The following LRCH3 variants were observed in gnomAD, a reference collection of about 807,000 sequenced individuals.
LRCH3 encodes DISP complex protein LRCH3.
Under a neutral mutation model 104.5 loss-of-function variants are expected in LRCH3, and 68 were observed. That is an observed-to-expected ratio of 0.65 (90% CI 0.54 to 0.80). The LOEUF (loss-of-function observed/expected upper bound fraction) is 0.80. Among genes scored for constraint, LRCH3 ranks in the 30% least tolerant of loss-of-function variants. The probability of loss-of-function intolerance (pLI) is 0.00; values close to 1 mark genes in which losing one functional copy is unlikely to be tolerated. For synonymous variants in LRCH3, 344 were observed against 361.3 expected (o/e 0.95, Z 0.54); for missense variants, 951 against 953.9 (o/e 1.00, Z 0.04).
At chr3:197,877,950 T>C (rs967802254) in intron 20 of LRCH3, among the ~76,000 whole-genome samples, 5 of 152,180 alleles carry the variant, frequency 3.3e-5, no homozygotes, top group African/African-American at 1.2e-4. Flanking sequence ...CTGAATATGG[T>C]TTCTGAAGAA....
chr3:197,880,076 G>C (rs528741836), intron 20 of LRCH3, among the ~76,000 whole-genome samples: 1 of 151,106 alleles, frequency 6.6e-6, no homozygotes, highest in Admixed American at 6.6e-5. Flanking sequence ...CTCCCGAGTA[G>C]CTGGGACTAC....
intron 8 of LRCH3, among the ~76,000 whole-genome samples, chr3:197,835,462 C>T (rs1560559604): frequency 7.9e-6 from 1 of 127,130 alleles, no homozygotes; most frequent in Non-Finnish European, 1.6e-5. Context: ...GCTGGGATTA[C>T]AGGCGTGAGC....
chr3:197,875,086 A>G (rs1397790231), intron 19 of LRCH3, among the ~76,000 whole-genome samples: 2 of 151,912 alleles, frequency 1.3e-5, no homozygotes, highest in African/African-American at 4.8e-5. Flanking sequence ...GCCCGCCACC[A>G]CACCTGGCTA....
chr3:197,815,446 C>G (rs1168270402), intron 2 of LRCH3, among the ~76,000 whole-genome samples: 1 of 152,160 alleles, frequency 6.6e-6, no homozygotes. Flanking sequence ...ATAGCTGATA[C>G]AATTTACTAG....
Position 197,883,344 on chromosome 3 carries a change from T to C in LRCH3, c.2209-197T>C, listed in dbSNP as rs1232312430. 1.4e-6 allele frequency: 2 copies of C among 1,380,952 alleles called. No homozygotes were observed. Among genetic ancestry groups the C allele is most frequent in the Non-Finnish European group, 1.9e-6 (2 of 1,068,666 alleles). The allele number at this position is 1,380,952 out of a possible 1,614,324, so 85.5% of individuals were successfully genotyped here. On this transcript the variant is annotated intron_variant, in intron 20 of 20. Transcript: ENST00000425562. The surrounding 1 kb of genome is among the most constrained non-coding windows in gnomAD (Gnocchi z 4.2). ...AATGATCTGTATGTACTTTTAGTTG[T>C]ATTAATAAAGTGACAGTGAGTGTCA...
Position 197,792,901 on chromosome 3 carries a change from C to T in LRCH3, c.262+1361C>T, listed in dbSNP as rs556563293. Among the ~76,000 whole-genome samples, 27 of 152,044 alleles carry T rather than the reference C, an allele frequency of 1.8e-4. 1 individual carries two copies. Among genetic ancestry groups the T allele is most frequent in the African/African-American group, 6.3e-4 (26 of 41,506 alleles). ...TCCTGACCTCAGGTGATTCGCCCGCCTCGGCCTCCCAAAGTGCTGGGATTA... is the reference window on the plus strand; with the variant it reads ...TCCTGACCTCAGGTGATTCGCCCGCTTCGGCCTCCCAAAGTGCTGGGATTA... On this transcript the variant is annotated intron_variant, in intron 1 of 20. Coordinates refer to ENST00000425562, the MANE Select transcript of LRCH3 (RefSeq NM_001365715.1).
At chr3:197,873,441 AGGAGGG>A (rs1712471474) in intron 19 of LRCH3, among the ~76,000 whole-genome samples, 3 of 152,114 alleles carry the variant, frequency 2.0e-5, no homozygotes, top group African/African-American at 7.2e-5. Context: ...TCCTACCTCA[AGGAGGG>A]AGTGTCGTGT....
In LRCH3 at chr3:197,871,305, C is replaced by A; in HGVS notation, c.1993-20C>A. 1.3e-6 allele frequency: 2 copies of A among 1,585,536 alleles called. No homozygotes were observed. The highest frequency in any genetic ancestry group is 1.3e-5 in the African/African-American group (1 of 74,476). On this transcript the variant is annotated intron_variant, in intron 18 of 20. Coordinates refer to ENST00000425562, the MANE Select transcript of LRCH3 (RefSeq NM_001365715.1). Reference sequence around the variant, plus strand: ...CAGTCTTTCTTCAATTAATCTATTACATGTTTTTTGTTCTTTCAGCATATT... The same window carrying A: ...CAGTCTTTCTTCAATTAATCTATTAAATGTTTTTTGTTCTTTCAGCATATT...
chr3:197,869,492 G>A (rs112324759), intron 17 of LRCH3, among the ~76,000 whole-genome samples: 8 of 125,434 alleles, frequency 6.4e-5, no homozygotes, highest in African/African-American at 1.6e-4. Context: ...GTAGAAAGCG[G>A]TGCACTGTAC....
At chr3:197,867,120 T>TA (rs1404921141) in intron 17 of LRCH3, among the ~76,000 whole-genome samples, 1 of 151,646 alleles carries the variant, frequency 6.6e-6, no homozygotes, top group Non-Finnish European at 1.5e-5. Flanking sequence ...ACTGAAAAAA[T>TA]ACAAAAATTA....
chr3:197,881,760 A>G, intron 20 of LRCH3: 1 of 985,392 alleles, frequency 1.0e-6, no homozygotes, highest in Non-Finnish European at 1.2e-6. Context: ...AATTGGGATA[A>G]AGGATGAACT....
At chr3:197,847,375 A>C in intron 10 of LRCH3, 34 bp from the exon 11 acceptor site, 1 of 1,552,100 alleles carries the variant, frequency 6.4e-7, no homozygotes, top group Non-Finnish European at 8.7e-7. Context: ...TTTATCAAAG[A>C]GTTTTTTTCT....
At chr3:197,855,100 G>A (rs1462202768) in intron 14 of LRCH3, among the ~76,000 whole-genome samples, 1 of 152,064 alleles carries the variant, frequency 6.6e-6, no homozygotes, top group African/African-American at 2.4e-5. Context: ...CATGTTTTAT[G>A]TGATTGTTTT....
rs752021369 is a variant in LRCH3 at position 197,820,356 on chromosome 3, C to A, written c.566C>A (p.Pro189His). ...AGCTGCAATGAAATTCAAACTATAC[C>A]TTCCCAAATTGGTAACCTGGAGGCC... ...DVSCNEIQTI[P>H]SQIGNLEALR... Residue 189 changes from proline to histidine, a missense_variant, in exon 4 of 21, where the codon CCT becomes CAT. By Grantham distance (77) the Pro-to-His change is moderately conservative. Transcript: ENST00000425562. 1 of 1,612,876 alleles carries A rather than the reference C, an allele frequency of 6.2e-7. No homozygotes were observed. Among genetic ancestry groups the A allele is most frequent in the African/African-American group, 1.3e-5 (1 of 75,016 alleles).
At chr3:197,819,124 T>TG (rs1000940123) in intron 3 of LRCH3, among the ~76,000 whole-genome samples, 3 of 146,772 alleles carry the variant, frequency 2.0e-5, no homozygotes, top group African/African-American at 5.0e-5. Context: ...AGATTCCGTC[T>TG]GGGAAAAAAA....
At chr3:197,871,567 TAA>T (rs780974076) in intron 19 of LRCH3, 105 bp downstream of exon 19, 3 of 1,474,680 alleles carry the variant, frequency 2.0e-6, no homozygotes, top group Non-Finnish European at 9.3e-7. Flanking sequence ...GATACAGATA[TAA>T]AGAGTCCAGT....
chr3:197,808,704 G>A (rs1416429397), intron 1 of LRCH3, among the ~76,000 whole-genome samples: 1 of 152,182 alleles, frequency 6.6e-6, no homozygotes, highest in Non-Finnish European at 1.5e-5. Flanking sequence ...TTGAGCCCAG[G>A]AGTTTCAAGA....
At chr3:197,815,134 A>G (rs1056521749) in intron 2 of LRCH3, 82 bp downstream of exon 2, 5 of 793,386 alleles carry the variant, frequency 6.3e-6, no homozygotes, top group South Asian at 4.6e-5. Flanking sequence ...ATATTTACCT[A>G]TATATATGCT....
intron 1 of LRCH3, among the ~76,000 whole-genome samples, chr3:197,813,883 C>A (rs527265539): frequency 6.6e-6 from 1 of 152,168 alleles, no homozygotes; most frequent in South Asian, 2.1e-4. Context: ...CATTGATGTT[C>A]AATTCTAGAT....
Sources: gnomAD v4.1 joint callset for allele counts (sites outside exome capture counted in the v4.1 genomes callset) on GRCh38, gnomAD v4.1.1 for gene constraint, Gnocchi (gnomAD v3.1) non-coding constraint, MANE v1.5 for transcripts, NCBI Gene and HGNC (gene_info 2026-07-23, HGNC 2026-07-21) for gene names.